KCNN2: variants seen among roughly 807,000 people sequenced by gnomAD.
KCNN2 encodes the protein potassium calcium-activated channel subfamily N member 2, also known as small conductance calcium-activated potassium channel protein 2.
In KCNN2, 24 loss-of-function variants were observed where a neutral mutation model predicts 55.5. The ratio of observed to expected loss-of-function variants is 0.43; its 90% CI spans 0.31 to 0.61. The LOEUF (loss-of-function observed/expected upper bound fraction) is 0.61. KCNN2 is among the 20% of genes least tolerant of loss of function. The probability of loss-of-function intolerance (pLI) is 0.08; values close to 1 mark genes in which losing one functional copy is unlikely to be tolerated. For synonymous variants in KCNN2, 431 were observed against 336.1 expected, an observed-to-expected ratio of 1.28 and a Z score of -3.09; for missense variants, 754 against 853.6, an observed-to-expected ratio of 0.88 and a Z score of 1.45.
chr5:114,311,584 T>G (rs1232610786), intron 2 of KCNN2, among the ~76,000 whole-genome samples: 2 of 152,208 alleles, frequency 1.3e-5, no homozygotes, highest in African/African-American at 4.8e-5. Flanking sequence ...ACTTTGTGCC[T>G]TGCATTGATC....
chr5:114,117,981 A>G (rs1454731454), intron 1 of KCNN2, among the ~76,000 whole-genome samples: 1 of 152,166 alleles, frequency 6.6e-6, no homozygotes, highest in Admixed American at 6.5e-5. Flanking sequence ...CATAAGGGGC[A>G]GAGGCTGGAG....
At chr5:114,291,523 C>T (rs1354838795) in intron 2 of KCNN2, among the ~76,000 whole-genome samples, 1 of 151,562 alleles carries the variant, frequency 6.6e-6, no homozygotes, top group Admixed American at 6.5e-5. Flanking sequence ...ATGAACTTGT[C>T]ATTTTTTATG....
chr5:114,258,985 C>G (rs1387492309), intron 2 of KCNN2, among the ~76,000 whole-genome samples: 2 of 152,192 alleles, frequency 1.3e-5, no homozygotes, highest in Non-Finnish European at 2.9e-5. Context: ...AAAAGCCATC[C>G]TCCAGCATAC....
chr5:114,400,947 T>C (rs1049990652), intron 2 of KCNN2, among the ~76,000 whole-genome samples: 1 of 152,124 alleles, frequency 6.6e-6, no homozygotes, highest in African/African-American at 2.4e-5. Context: ...TTTATTCGAT[T>C]TCTTTACGTC....
chr5:114,120,719 C>T lies in KCNN2; in HGVS notation c.-271+64219C>T, dbSNP rs79620989. On this transcript the variant is annotated intron_variant, in intron 1 of 10. Transcript: ENST00000512097. ...GGTAAGTGACTAATACCTATCTAGG[C>T]TTTAGTATCATCAATAATAAAGTAA... Among the ~76,000 whole-genome samples the T allele has an allele frequency of 2.3e-3, 345 of 152,226 alleles. 2 individuals are homozygous for T. The highest frequency in any genetic ancestry group is 8.1e-3 in the African/African-American group (338 of 41,526).
chr5:114,205,969 T>C (rs1753759845), intron 1 of KCNN2, among the ~76,000 whole-genome samples: 1 of 152,218 alleles, frequency 6.6e-6, no homozygotes, highest in African/African-American at 2.4e-5. Flanking sequence ...TACCAAATAA[T>C]AATTTTCTAC....
chr5:114,487,721 A>T (rs903970623), intron 6 of KCNN2, among the ~76,000 whole-genome samples: 2 of 152,154 alleles, frequency 1.3e-5, no homozygotes, highest in East Asian at 3.9e-4. Flanking sequence ...TATAATTAGC[A>T]TACGCTTTTA....
intron 2 of KCNN2, among the ~76,000 whole-genome samples, chr5:114,314,334 T>G (rs978197041): frequency 6.6e-6 from 1 of 152,136 alleles, no homozygotes; most frequent in African/African-American, 2.4e-5. Flanking sequence ...TTTTGTTAAC[T>G]AAAGTCCATA....
chr5:114,411,612 A>G (rs1274337543), intron 3 of KCNN2, among the ~76,000 whole-genome samples: 1 of 152,186 alleles, frequency 6.6e-6, no homozygotes, highest in East Asian at 1.9e-4. Context: ...GGCACAGGAC[A>G]GGAGTCTGAA....
chr5:114,398,129 C>T (rs1473779875), intron 2 of KCNN2, among the ~76,000 whole-genome samples: 1 of 152,042 alleles, frequency 6.6e-6, no homozygotes, highest in Non-Finnish European at 1.5e-5. Flanking sequence ...ATGATATTTC[C>T]TAGGTTATAG....
chr5:114,397,634 C>T (rs559904337), intron 2 of KCNN2, among the ~76,000 whole-genome samples: 13 of 152,194 alleles, frequency 8.5e-5, no homozygotes, highest in Admixed American at 4.6e-4. Flanking sequence ...TGATCTGCCC[C>T]GCCTCGGCCA....
intron 1 of KCNN2, among the ~76,000 whole-genome samples, chr5:114,114,555 G>T (rs1751675042): frequency 6.6e-6 from 1 of 152,052 alleles, no homozygotes; most frequent in South Asian, 2.1e-4. Context: ...TCCAGGTACT[G>T]TTAAAGGTTC....
In KCNN2 at chr5:114,362,754, C is replaced by T; in HGVS notation, c.615C>T (p.Ser205=). The change falls in exon 1 of 8, where the codon AGC becomes AGT. Residue 205 remains serine (S), a synonymous_variant. Transcript: ENST00000673685. ...ACCAGCCCCAGGCGCGCCGCGAGAGCAACCCCTTCACCGAAATAGCCATGA... is the reference window on the plus strand; with the variant it reads ...ACCAGCCCCAGGCGCGCCGCGAGAGTAACCCCTTCACCGAAATAGCCATGA... ...QHHQPQARRE[S]NPFTEIAMSS... is the part of the protein sequence containing the mutation. 14 of 1,557,376 alleles carry T rather than the reference C, an allele frequency of 9.0e-6. No individual in the cohort carries two copies. The highest frequency in any genetic ancestry group is 1.2e-5 in the Non-Finnish European group (14 of 1,158,342).
intron 2 of KCNN2, among the ~76,000 whole-genome samples, chr5:114,378,385 A>G (rs1464023025): frequency 1.3e-5 from 2 of 152,242 alleles, no homozygotes; most frequent in African/African-American, 2.4e-5. Context: ...AAGAAGAAAC[A>G]TGGCTGAAAG....
chr5:114,437,455 T>C (rs1037284068), intron 3 of KCNN2, among the ~76,000 whole-genome samples: 1 of 152,154 alleles, frequency 6.6e-6, no homozygotes, highest in African/African-American at 2.4e-5. Context: ...AAAAAGCTAA[T>C]TTAGTCTAGC....
intron 1 of KCNN2, among the ~76,000 whole-genome samples, chr5:114,137,181 C>T (rs1159862466): frequency 6.6e-6 from 1 of 152,136 alleles, no homozygotes; most frequent in Non-Finnish European, 1.5e-5. Flanking sequence ...TTTTGTTATG[C>T]ACAGGTCATG....
At chr5:114,302,320 T>C (rs546415084) in intron 2 of KCNN2, among the ~76,000 whole-genome samples, 13 of 152,214 alleles carry the variant, frequency 8.5e-5, no homozygotes, top group Non-Finnish European at 1.6e-4. Flanking sequence ...CACAATACAA[T>C]GAACATTTAT....
At chr5:114,215,929 A>G (rs1458779199) in intron 1 of KCNN2, among the ~76,000 whole-genome samples, 1 of 152,144 alleles carries the variant, frequency 6.6e-6, no homozygotes, top group Non-Finnish European at 1.5e-5. Context: ...ACATTGAATT[A>G]AAAGCATTTT....
At chr5:114,485,698 A>C (rs1762409544) in intron 5 of KCNN2, among the ~76,000 whole-genome samples, 1 of 152,194 alleles carries the variant, frequency 6.6e-6, no homozygotes, top group Admixed American at 6.5e-5. Flanking sequence ...AGAGTCTAAT[A>C]GATATCCAAA....
Sources: gnomAD v4.1 joint callset for allele counts (sites outside exome capture counted in the v4.1 genomes callset) on GRCh38, gnomAD v4.1.1 for gene constraint, MANE v1.5 for transcripts, NCBI Gene and HGNC (gene_info 2026-07-23, HGNC 2026-07-21) for gene names.